Variants in MROH9 observed in about 807,000 individuals in gnomAD.
MROH9 encodes maestro heat-like repeat-containing protein family member 9.
MROH9 carries 92 observed loss-of-function variants against 98.2 expected under a neutral mutation model. The ratio of observed to expected loss-of-function variants is 0.94; its 90% confidence interval spans 0.79 to 1.11. The LOEUF (loss-of-function observed/expected upper bound fraction) is 1.11. MROH9 is among the 50% of genes most tolerant of loss of function. The pLI is 0.00. For synonymous variants in MROH9, 397 were observed against 368.9 expected (o/e 1.08, Z -0.87); for missense variants, 1,057 against 1,014.8 (o/e 1.04, Z -0.57).
At chr1:170,985,324 T>A (rs1199583909) in intron 9 of MROH9, among the ~76,000 whole-genome samples, 2 of 152,110 alleles carry the variant, frequency 1.3e-5, no homozygotes, top group South Asian at 4.1e-4. Context: ...TAGTATATTA[T>A]GCAAACATTC....
chr1:170,986,814 T>G, intron 10 of MROH9, 104 bp downstream of exon 10: 2 of 1,264,718 alleles, frequency 1.6e-6, no homozygotes, highest in East Asian at 4.7e-5. Context: ...TTCTTGTCAT[T>G]GTTCATTATA....
intron 8 of MROH9, among the ~76,000 whole-genome samples, chr1:170,973,133 G>T (rs939737071): frequency 6.6e-6 from 1 of 151,614 alleles, no homozygotes; most frequent in African/African-American, 2.4e-5. Context: ...ACACACACAC[G>T]CACGCACAAA....
intron 15 of MROH9, among the ~76,000 whole-genome samples, chr1:171,002,720 A>G (rs1363663058): frequency 1.3e-5 from 2 of 152,172 alleles, no homozygotes; most frequent in Non-Finnish European, 1.5e-5. Context: ...TAACCCGATG[A>G]CAATGTGCTT....
chr1:171,032,070 G>A (rs918747835), intron 20 of MROH9, among the ~76,000 whole-genome samples: 1 of 151,914 alleles, frequency 6.6e-6, no homozygotes, highest in South Asian at 2.1e-4. Flanking sequence ...TGGTCAGTTC[G>A]GCTATTGATA....
intron 3 of MROH9, among the ~76,000 whole-genome samples, chr1:170,947,842 C>T (rs1334441769): frequency 6.6e-6 from 1 of 151,930 alleles, no homozygotes; most frequent in African/African-American, 2.4e-5. Context: ...CTATTTATCC[C>T]ACCCATCCTC....
At chr1:171,019,546 G>T (rs1472880935) in intron 17 of MROH9, among the ~76,000 whole-genome samples, 1 of 151,974 alleles carries the variant, frequency 6.6e-6, no homozygotes, top group Admixed American at 6.6e-5. Context: ...CAGCTACTCG[G>T]AAGGCTGAGG....
At chr1:171,048,214 C>T (rs1203992871) in intron 20 of MROH9, among the ~76,000 whole-genome samples, 2 of 152,178 alleles carry the variant, frequency 1.3e-5, no homozygotes, top group African/African-American at 2.4e-5. Flanking sequence ...CAAAGCCAGC[C>T]AGGCCTGTGT....
intron 21 of MROH9, among the ~76,000 whole-genome samples, chr1:171,063,011 A>C (rs1389774867): frequency 6.6e-6 from 1 of 151,606 alleles, no homozygotes; most frequent in African/African-American, 2.4e-5. Flanking sequence ...TCATTCACTC[A>C]CTCATTCATT....
At chr1:171,017,705 C>T (rs1442298682) in intron 17 of MROH9, among the ~76,000 whole-genome samples, 1 of 152,172 alleles carries the variant, frequency 6.6e-6, no homozygotes, top group Admixed American at 6.5e-5. Flanking sequence ...TATGCTTTTT[C>T]CCTGCTGGAG....
chr1:171,037,325 G>C (rs1292257481), intron 20 of MROH9, among the ~76,000 whole-genome samples: 1 of 151,290 alleles, frequency 6.6e-6, no homozygotes, highest in Non-Finnish European at 1.5e-5. Context: ...AAAGTAAGAA[G>C]GGAGATGGGA....
At chr1:171,005,964 A>G (rs557889658) in intron 15 of MROH9, among the ~76,000 whole-genome samples, 78 of 152,162 alleles carry the variant, frequency 5.1e-4, no homozygotes, top group Middle Eastern at 6.8e-3. Flanking sequence ...TGTGATTTAC[A>G]CACCATCCCA....
intron 21 of MROH9, among the ~76,000 whole-genome samples, chr1:171,063,125 C>T (rs1654061171): frequency 6.6e-6 from 1 of 151,996 alleles, no homozygotes; most frequent in South Asian, 2.1e-4. Flanking sequence ...TCCTGCTCTT[C>T]TCATCTCTGT....
intron 20 of MROH9, among the ~76,000 whole-genome samples, chr1:171,026,156 C>T (rs527541189): frequency 6.6e-6 from 1 of 152,128 alleles, no homozygotes; most frequent in African/African-American, 2.4e-5. Flanking sequence ...CTAAAGCCCA[C>T]GATCTGTGTT....
At chr1:171,050,690 C>T (rs1653635888) in intron 20 of MROH9, among the ~76,000 whole-genome samples, 1 of 152,128 alleles carries the variant, frequency 6.6e-6, no homozygotes, top group Non-Finnish European at 1.5e-5. Flanking sequence ...CTAGTTAGGT[C>T]TTCCAGTACT....
chr1:170,997,663 T>C (rs1030518930), intron 14 of MROH9, among the ~76,000 whole-genome samples: 2 of 152,154 alleles, frequency 1.3e-5, no homozygotes, highest in African/African-American at 4.8e-5. Context: ...AGTGTGAGGC[T>C]GTCCACCACC....
chr1:170,938,105 G>T (rs1648970936), intron 1 of MROH9, among the ~76,000 whole-genome samples: 1 of 152,150 alleles, frequency 6.6e-6, no homozygotes, highest in Non-Finnish European at 1.5e-5. Context: ...TGGTAGTGTG[G>T]ATCAGTCAGT....
At chr1:170,992,834 G>A (rs1651409832) in intron 12 of MROH9, among the ~76,000 whole-genome samples, 1 of 152,176 alleles carries the variant, frequency 6.6e-6, no homozygotes, top group Non-Finnish European at 1.5e-5. Flanking sequence ...TGAAAGTATA[G>A]GAGATGATAT....
intron 17 of MROH9, among the ~76,000 whole-genome samples, chr1:171,022,450 G>A (rs188738873): frequency 6.6e-6 from 1 of 152,284 alleles, no homozygotes; most frequent in African/African-American, 2.4e-5. Context: ...GCTTTGCAGG[G>A]ACATGGATGA....
intron 5 of MROH9, among the ~76,000 whole-genome samples, 193 bp downstream of exon 5, chr1:170,959,790 T>C (rs184150449): frequency 5.9e-5 from 9 of 152,316 alleles, no homozygotes; most frequent in African/African-American, 2.2e-4. Context: ...ATGGATTCTA[T>C]AGGATTTGTA....
Sources: allele counts gnomAD v4.1 joint callset (sites outside exome capture counted in the v4.1 genomes callset), GRCh38; gene constraint gnomAD v4.1.1; transcripts MANE v1.5; gene names NCBI Gene and HGNC (gene_info 2026-07-23, HGNC 2026-07-21).